MANBA: variants seen among roughly 807,000 people sequenced by gnomAD.
The protein encoded by MANBA is beta-mannosidase.
A neutral mutation model predicts 111.1 loss-of-function variants in MANBA; 83 were observed. The observed-to-expected ratio is 0.75, with a 90% CI of 0.63 to 0.90. The LOEUF (loss-of-function observed/expected upper bound fraction) is 0.90, where lower values mean the gene tolerates loss of function less well. Ranked by LOEUF, MANBA falls within the 40% of genes least tolerant of loss-of-function variation. The pLI, the probability that MANBA is intolerant of heterozygous loss-of-function variation, is 0.00. For synonymous variants in MANBA, 370 were observed against 378.7 expected (o/e 0.98, Z 0.27); for missense variants, 1,036 against 1,069.0 (o/e 0.97, Z 0.43).
chr4:102,657,947 T>C (rs376068680), intron 11 of MANBA, 47 bp from the exon 12 acceptor site: 1 of 1,310,346 alleles, frequency 7.6e-7, no homozygotes, highest in Non-Finnish European at 1.1e-6. Context: ...ATTCATCCTG[T>C]AAAGTATGTA....
At chr4:102,653,996 A>G (rs75487550) in intron 12 of MANBA, among the ~76,000 whole-genome samples, 1,722 of 152,236 alleles carry the variant, frequency 0.011, 24 homozygotes, top group African/African-American at 0.039. Context: ...TTATTAGACA[A>G]TACTCTACCC....
intron 5 of MANBA, among the ~76,000 whole-genome samples, chr4:102,710,186 A>C (rs1260575014): frequency 6.6e-6 from 1 of 152,118 alleles, no homozygotes; most frequent in East Asian, 1.9e-4. Context: ...GAAAAACATA[A>C]AAGGTACCAA....
intron 9 of MANBA, among the ~76,000 whole-genome samples, chr4:102,670,090 G>A (rs1456700925): frequency 1.3e-5 from 2 of 150,452 alleles, no homozygotes; most frequent in African/African-American, 5.0e-5. Context: ...AGGAGGTGAA[G>A]GCTGCAGTGA....
chr4:102,675,718 C>T (rs1578892328), intron 7 of MANBA, among the ~76,000 whole-genome samples: 1 of 152,086 alleles, frequency 6.6e-6, no homozygotes, highest in East Asian at 1.9e-4. Flanking sequence ...ATTTATAATA[C>T]TTTTTTCCAA....
chr4:102,733,274 G>A (rs572779243), intron 1 of MANBA, among the ~76,000 whole-genome samples: 2 of 151,898 alleles, frequency 1.3e-5, no homozygotes, highest in Non-Finnish European at 1.5e-5. Flanking sequence ...AACGAAGGAG[G>A]TAGATCCACA....
chr4:102,693,589 CT>C (rs1382880885), intron 5 of MANBA, among the ~76,000 whole-genome samples: 3 of 152,144 alleles, frequency 2.0e-5, no homozygotes, highest in Non-Finnish European at 4.4e-5. Flanking sequence ...GAGAAATAAA[CT>C]TCTGTTATTT....
intron 11 of MANBA, chr4:102,659,134 A>T (rs993911609): frequency 6.6e-6 from 1 of 152,176 alleles, no homozygotes; most frequent in Non-Finnish European, 1.5e-5. Flanking sequence ...AGTATTTCCT[A>T]TTGGCCAGGC....
chr4:102,700,817 G>GA (rs1480713007), intron 5 of MANBA, among the ~76,000 whole-genome samples: 1 of 152,102 alleles, frequency 6.6e-6, no homozygotes, highest in Non-Finnish European at 1.5e-5. Context: ...ATGTGGTGCT[G>GA]AAAAAAATGT....
chr4:102,759,400 T>C (rs1264478731), intron 1 of MANBA, among the ~76,000 whole-genome samples: 1 of 152,150 alleles, frequency 6.6e-6, no homozygotes, highest in Non-Finnish European at 1.5e-5. Context: ...AAAGCAGATA[T>C]AAGTGAAAAC....
intron 7 of MANBA, 140 bp downstream of exon 7, chr4:102,689,434 G>T: frequency 1.8e-6 from 1 of 551,274 alleles, no homozygotes; most frequent in Non-Finnish European, 3.3e-6. Flanking sequence ...AGAAGCTTTT[G>T]AATGCTGTTA....
chr4:102,751,578 C>T, intron 1 of MANBA: 2 of 538,160 alleles, frequency 3.7e-6, no homozygotes, highest in South Asian at 2.8e-5. Context: ...TATTAAGGGC[C>T]AGTTTCTGCG....
chr4:102,715,344 G>T (rs1722277307), intron 4 of MANBA, among the ~76,000 whole-genome samples: 1 of 152,100 alleles, frequency 6.6e-6, no homozygotes, highest in Non-Finnish European at 1.5e-5. Flanking sequence ...CTTGAGCCAA[G>T]CCTTGAGACA....
chr4:102,722,029 C>CA (rs562110956), intron 4 of MANBA, among the ~76,000 whole-genome samples: 112 of 86,956 alleles, frequency 1.3e-3, no homozygotes, highest in East Asian at 2.3e-3. Context: ...GACCCAGTCT[C>CA]AAAAAAAAAA....
At position 102,658,007 on chromosome 4, in the gene MANBA, T is replaced by C. The variant is rs929889697; in HGVS notation, c.1486-107A>G. On this transcript the variant is annotated intron_variant, in intron 11 of 16. Transcript: ENST00000647097. ...ACAAGTCCCTGAAATGCCAAGTAGC[T>C]GATAGAAAATTAGTAGGACCACTTA... 77 of 826,580 alleles carry C rather than the reference T, an allele frequency of 9.3e-5. 1 individual carries two copies. Among genetic ancestry groups the C allele is most frequent in the Non-Finnish European group, 1.4e-5 (7 of 490,838 alleles). 51.2% of individuals were successfully genotyped at this position (826,580 alleles called of 1,614,324 possible). A position where few individuals can be genotyped will look rare whatever the true frequency, so the allele number is the denominator to read the frequency against.
chr4:102,651,472 T>C (rs1231582382), intron 12 of MANBA, among the ~76,000 whole-genome samples: 1 of 152,172 alleles, frequency 6.6e-6, no homozygotes, highest in African/African-American at 2.4e-5. Context: ...GCAATAATTC[T>C]GGCTTCTAGG....
At chr4:102,741,134 T>TA (rs1723387580) in intron 1 of MANBA, among the ~76,000 whole-genome samples, 1 of 151,976 alleles carries the variant, frequency 6.6e-6, no homozygotes, top group Non-Finnish European at 1.5e-5. Flanking sequence ...AAAAGTGGGC[T>TA]AAGGACATGA....
intron 1 of MANBA, chr4:102,727,917 G>C (rs1722872368): frequency 2.0e-6 from 1 of 490,458 alleles, no homozygotes; most frequent in Non-Finnish European, 3.8e-6. Context: ...GAGAATGGAG[G>C]CCTCTTTGCA....
chr4:102,743,791 G>A (rs961200824), intron 1 of MANBA, among the ~76,000 whole-genome samples: 8 of 152,182 alleles, frequency 5.3e-5, no homozygotes, highest in Non-Finnish European at 7.3e-5. Context: ...CGTAGTCAAA[G>A]GTTTGGTTTC....
At chr4:102,732,064 C>T (rs1723052497) in intron 1 of MANBA, among the ~76,000 whole-genome samples, 1 of 152,144 alleles carries the variant, frequency 6.6e-6, no homozygotes, top group Non-Finnish European at 1.5e-5. Context: ...TGCACCACCA[C>T]ACCTGGCTAA....
Sources: allele counts gnomAD v4.1 joint callset (sites outside exome capture counted in the v4.1 genomes callset), GRCh38; gene constraint gnomAD v4.1.1; transcripts MANE v1.5; gene names NCBI Gene and HGNC (gene_info 2026-07-23, HGNC 2026-07-21).